Variants in AFF2 observed in about 807,000 individuals in gnomAD.
AFF2 encodes AF4/FMR2 family member 2.
A neutral mutation model predicts 76.9 loss-of-function variants in AFF2; 14 were observed. The ratio of observed to expected loss-of-function variants is 0.18; its 90% CI spans 0.12 to 0.28. The LOEUF is 0.28. Ranked by LOEUF, AFF2 falls within the 10% of genes least tolerant of loss-of-function variation. The pLI is 1.00. For synonymous variants in AFF2, 398 were observed against 366.7 expected (o/e 1.09, Z -0.98); for missense variants, 868 against 1,001.1 (o/e 0.87, Z 1.79).
At chrX:148,855,843 A>T (rs2070780785) in intron 7 of AFF2, among the ~76,000 whole-genome samples, 1 of 112,000 alleles carries the variant, frequency 8.9e-6, no homozygotes, top group South Asian at 3.8e-4. Context: ...CACCTACATG[A>T]TACGATTAAA....
intron 3 of AFF2, among the ~76,000 whole-genome samples, chrX:148,748,784 T>C (rs2055458684): frequency 9.0e-6 from 1 of 111,689 alleles, no homozygotes; most frequent in African/African-American, 3.3e-5. Context: ...TTGCAGGCCA[T>C]AGTGGGGACG....
chrX:148,831,932 C>T (rs1557273370), intron 4 of AFF2, among the ~76,000 whole-genome samples: 1 of 112,276 alleles, frequency 8.9e-6, no homozygotes, highest in Admixed American at 9.4e-5. Flanking sequence ...CACACACACA[C>T]ATATGTGTTT....
chrX:148,523,052 T>C (rs1316875624), intron 1 of AFF2, among the ~76,000 whole-genome samples: 1 of 112,064 alleles, frequency 8.9e-6, no homozygotes, highest in Non-Finnish European at 1.9e-5. Context: ...ACTTGCTCTC[T>C]GTAGCATCTT....
chrX:148,519,485 C>T (rs781864460), intron 1 of AFF2, among the ~76,000 whole-genome samples: 1 of 111,773 alleles, frequency 8.9e-6, no homozygotes, highest in Non-Finnish European at 1.9e-5. Flanking sequence ...GAAAATAATA[C>T]GAAGCGGAAG....
At chrX:148,599,893 A>T (rs782325050) in intron 1 of AFF2, among the ~76,000 whole-genome samples, 4 of 111,661 alleles carry the variant, frequency 3.6e-5, no homozygotes, top group African/African-American at 6.5e-5. Flanking sequence ...CCCTATAATC[A>T]TCTAAGTGCA....
intron 3 of AFF2, among the ~76,000 whole-genome samples, chrX:148,789,959 C>T (rs1327745530): frequency 9.0e-6 from 1 of 111,053 alleles, no homozygotes; most frequent in Admixed American, 9.6e-5. Context: ...CTGCTGGGCT[C>T]TTTATTATGG....
At chrX:148,873,414 A>G (rs187249396) in intron 7 of AFF2, among the ~76,000 whole-genome samples, 95 of 109,719 alleles carry the variant, frequency 8.7e-4, no homozygotes, top group African/African-American at 3.0e-3. Flanking sequence ...GCAAGAATGG[A>G]CACCTTTTTC....
At chrX:148,609,546 G>A (rs1347379493) in intron 1 of AFF2, among the ~76,000 whole-genome samples, 1 of 111,724 alleles carries the variant, frequency 9.0e-6, no homozygotes, top group Non-Finnish European at 1.9e-5. Flanking sequence ...CTTAGCTTTT[G>A]ATCTGAAACC....
chrX:148,805,046 C>T (rs1261562502), intron 3 of AFF2, among the ~76,000 whole-genome samples: 2 of 111,835 alleles, frequency 1.8e-5, no homozygotes, highest in East Asian at 2.8e-4. Flanking sequence ...ATTGAAAACT[C>T]ATTTGGTAGT....
chrX:148,652,042 G>A lies in AFF2; in HGVS notation c.91G>A (p.Glu31Lys). Residue 31 changes from glutamate (E) to lysine (K), a missense_variant, in exon 2 of 21, where the codon GAG becomes AAG. Coordinates refer to ENST00000370460, the MANE Select transcript of AFF2 (RefSeq NM_002025.4). Reference sequence around the variant, plus strand: ...TAGTGCACTTAAAAAAAGGGAATGGGAGCGGAGGAATCAAGAAGTCCAGCA... The same window carrying A: ...TAGTGCACTTAAAAAAAGGGAATGGAAGCGGAGGAATCAAGAAGTCCAGCA... The part of the protein sequence containing the change: ...DRSALKKREW[E>K]RRNQEVQQED... The A allele has an allele frequency of 8.3e-7, 1 of 1,204,647 alleles. No homozygotes were observed. The highest frequency in any genetic ancestry group is 1.8e-5 in the South Asian group (1 of 56,553).
chrX:148,761,664 C>T (rs2069445280), intron 3 of AFF2, among the ~76,000 whole-genome samples: 1 of 110,465 alleles, frequency 9.1e-6, no homozygotes. Flanking sequence ...GGTGCTGGTA[C>T]TACAGCAGTG....
intron 1 of AFF2, among the ~76,000 whole-genome samples, chrX:148,588,580 A>T (rs898113965): frequency 2.7e-5 from 3 of 112,666 alleles, no homozygotes; most frequent in Admixed American, 9.4e-5. Context: ...TCACATTTTT[A>T]AAAAAATCAA....
At chrX:148,512,267 A>G (rs2052490122) in intron 1 of AFF2, among the ~76,000 whole-genome samples, 1 of 112,476 alleles carries the variant, frequency 8.9e-6, no homozygotes, top group African/African-American at 3.2e-5. Context: ...GTAACAGTTT[A>G]AACTTCAACA....
At chrX:148,974,374 C>T (rs1415503457) in intron 16 of AFF2, among the ~76,000 whole-genome samples, 4 of 111,034 alleles carry the variant, frequency 3.6e-5, no homozygotes, top group African/African-American at 9.8e-5. Context: ...TAAGCACCAT[C>T]GTTCACTAGA....
intron 3 of AFF2, among the ~76,000 whole-genome samples, chrX:148,693,108 G>A (rs2054671076): frequency 9.0e-6 from 1 of 110,564 alleles, no homozygotes; most frequent in Admixed American, 9.6e-5. Context: ...TAGTAGAGAC[G>A]GGGTTTCACC....
At chrX:148,779,208 C>CT (rs1172426352) in intron 3 of AFF2, among the ~76,000 whole-genome samples, 10 of 111,718 alleles carry the variant, frequency 9.0e-5, no homozygotes, top group Non-Finnish European at 1.9e-5. Flanking sequence ...GTCTGAGAGT[C>CT]TGTTTGTTAT....
chrX:148,788,840 G>A (rs1257177141), intron 3 of AFF2, among the ~76,000 whole-genome samples: 8 of 111,701 alleles, frequency 7.2e-5, no homozygotes, highest in Non-Finnish European at 1.3e-4. Flanking sequence ...TGTTTACTCT[G>A]GTTTTTTAAT....
At chrX:148,524,659 G>T (rs868924151) in intron 1 of AFF2, among the ~76,000 whole-genome samples, 2 of 112,614 alleles carry the variant, frequency 1.8e-5, no homozygotes, top group Non-Finnish European at 3.8e-5. Context: ...TAAAGAGGAT[G>T]TGGAGACAAC....
At chrX:148,761,956 TATATAGATATAGATATAG>T (rs56137519) in intron 3 of AFF2, among the ~76,000 whole-genome samples, 5,970 of 99,510 alleles carry the variant, frequency 0.06, 347 homozygotes, top group African/African-American at 0.17. Flanking sequence ...TGTATGTGTG[TATATAGATATAGATATAG>T]ATATAGATAT....
Sources: allele counts gnomAD v4.1 joint callset (sites outside exome capture counted in the v4.1 genomes callset), GRCh38; gene constraint gnomAD v4.1.1; transcripts MANE v1.5; gene names NCBI Gene and HGNC (gene_info 2026-07-23, HGNC 2026-07-21).